Variants in SORCS1 observed in about 807,000 individuals in gnomAD.
The protein encoded by SORCS1 is sortilin related VPS10 domain containing receptor 1, also known as VPS10 domain-containing receptor SorCS1.
SORCS1 carries 60 observed loss-of-function variants against 146.1 expected under a neutral mutation model. That is an observed-to-expected ratio of 0.41 (90% CI 0.33 to 0.51). The LOEUF is 0.51. Among genes scored for constraint, SORCS1 ranks in the 20% least tolerant of loss-of-function variants. The pLI is 0.21. For synonymous variants in SORCS1, 637 were observed against 584.0 expected (o/e 1.09, Z -1.31); for missense variants, 1,352 against 1,487.6 (o/e 0.91, Z 1.50).
chr10:106,723,410 C>CACAG (rs887484378), intron 6 of SORCS1, among the ~76,000 whole-genome samples: 19 of 151,930 alleles, frequency 1.3e-4, no homozygotes, highest in Admixed American at 1.2e-3. Context: ...CACACACACA[C>CACAG]ACACACACAG....
chr10:106,917,434 A>G (rs1564808206), intron 2 of SORCS1, among the ~76,000 whole-genome samples: 1 of 152,164 alleles, frequency 6.6e-6, no homozygotes, highest in Non-Finnish European at 1.5e-5. Flanking sequence ...TCAAGGCTCT[A>G]TATCTCTTGA....
At chr10:106,677,444 C>A (rs1416822983) in intron 12 of SORCS1, 40 bp from the exon 13 acceptor site, 2 of 1,531,728 alleles carry the variant, frequency 1.3e-6, no homozygotes, top group Admixed American at 3.4e-5. Context: ...ACATCCACAT[C>A]CACACATACC....
At chr10:107,006,592 C>T (rs951730199) in intron 1 of SORCS1, among the ~76,000 whole-genome samples, 52 of 152,170 alleles carry the variant, frequency 3.4e-4, no homozygotes, top group African/African-American at 1.3e-3. Flanking sequence ...CCGAGGCGGG[C>T]AGATCACGAG....
chr10:106,759,765 G>A (rs188360679), intron 5 of SORCS1, among the ~76,000 whole-genome samples: 37 of 151,938 alleles, frequency 2.4e-4, no homozygotes, highest in Admixed American at 7.2e-4. Flanking sequence ...CTCTCTTCAC[G>A]TATTTCTCTT....
chr10:106,991,677 T>C (rs1956777909), intron 1 of SORCS1, among the ~76,000 whole-genome samples: 1 of 152,126 alleles, frequency 6.6e-6, no homozygotes. Flanking sequence ...TTATTACTCC[T>C]GGAGCAGAGC....
intron 6 of SORCS1, among the ~76,000 whole-genome samples, chr10:106,722,306 C>G (rs536831113): frequency 6.6e-6 from 1 of 152,152 alleles, no homozygotes; most frequent in East Asian, 1.9e-4. Context: ...ATCTCTATTA[C>G]CTCCCCAAAG....
intron 24 of SORCS1, 115 bp from the exon 25 acceptor site, chr10:106,579,589 G>A: frequency 9.7e-7 from 1 of 1,026,394 alleles, no homozygotes; most frequent in Admixed American, 2.1e-5. Context: ...AACCATGTGG[G>A]ATATACACAC....
chr10:107,072,970 G>A (rs2134191721), intron 1 of SORCS1, among the ~76,000 whole-genome samples: 1 of 152,240 alleles, frequency 6.6e-6, no homozygotes, highest in Non-Finnish European at 1.5e-5. Context: ...GTGCCCTAAC[G>A]CTGCAGGGTT....
chr10:106,685,227 C>T (rs1035404908), intron 10 of SORCS1, among the ~76,000 whole-genome samples: 1 of 152,134 alleles, frequency 6.6e-6, no homozygotes, highest in African/African-American at 2.4e-5. Flanking sequence ...ACTGTCACAA[C>T]ACCTTTCGAT....
At chr10:106,953,788 A>G (rs1419202449) in intron 2 of SORCS1, among the ~76,000 whole-genome samples, 1 of 152,210 alleles carries the variant, frequency 6.6e-6, no homozygotes, top group Admixed American at 6.5e-5. Context: ...AAAGAGATAC[A>G]GGAAAAATAC....
chr10:106,718,424 C>T (rs186464017), intron 6 of SORCS1, among the ~76,000 whole-genome samples: 23 of 152,258 alleles, frequency 1.5e-4, no homozygotes, highest in African/African-American at 2.6e-4. Context: ...ATGGTGTGCC[C>T]GGAGTTTATT....
chr10:106,631,880 ATC>A (rs1848464176), intron 18 of SORCS1, among the ~76,000 whole-genome samples: 2 of 151,968 alleles, frequency 1.3e-5, no homozygotes, highest in East Asian at 3.9e-4. Context: ...TCCAATTTCT[ATC>A]TCTCTTGATG....
intron 2 of SORCS1, among the ~76,000 whole-genome samples, chr10:106,830,536 C>T (rs933175606): frequency 2.6e-5 from 4 of 151,186 alleles, no homozygotes; most frequent in East Asian, 1.9e-4. Flanking sequence ...TTCGCCTAGG[C>T]CCCATGTTGC....
intron 1 of SORCS1, among the ~76,000 whole-genome samples, chr10:106,991,274 G>C (rs2139483480): frequency 6.6e-6 from 1 of 152,310 alleles, no homozygotes; most frequent in South Asian, 2.1e-4. Context: ...ATGTTTTCTG[G>C]TTGCAGAAGT....
chr10:107,050,089 A>C (rs1466621825), intron 1 of SORCS1, among the ~76,000 whole-genome samples: 1 of 152,210 alleles, frequency 6.6e-6, no homozygotes, highest in Non-Finnish European at 1.5e-5. Flanking sequence ...AAAAGGTCTA[A>C]TCAGCCAAAA....
chr10:106,820,123 G>A (rs1203463642), intron 3 of SORCS1, among the ~76,000 whole-genome samples: 1 of 151,930 alleles, frequency 6.6e-6, no homozygotes, highest in Non-Finnish European at 1.5e-5. Flanking sequence ...CATCCACATT[G>A]TCATTTTCTC....
chr10:106,814,163 G>A (rs183300629), intron 3 of SORCS1, among the ~76,000 whole-genome samples: 3 of 152,266 alleles, frequency 2.0e-5, no homozygotes, highest in Non-Finnish European at 4.4e-5. Flanking sequence ...AAAGCATCAA[G>A]CTTATCCTGT....
intron 2 of SORCS1, among the ~76,000 whole-genome samples, chr10:106,885,091 A>G (rs1325839579): frequency 1.3e-5 from 2 of 152,204 alleles, no homozygotes; most frequent in Non-Finnish European, 2.9e-5. Context: ...TAGAAAATCT[A>G]TGTTGTTTAG....
upstream of SORCS1, among the ~76,000 whole-genome samples, chr10:107,165,232 G>T (rs1366684933): frequency 1.3e-5 from 2 of 151,710 alleles, no homozygotes; most frequent in African/African-American, 2.4e-5. The surrounding 1 kb of genome is among the most constrained non-coding windows in gnomAD (Gnocchi z 4.0). Context: ...GTCCCAGCCT[G>T]GGGGGAGATC....
Sources: gnomAD v4.1 joint callset for allele counts (sites outside exome capture counted in the v4.1 genomes callset) on GRCh38, gnomAD v4.1.1 for gene constraint, Gnocchi (gnomAD v3.1) non-coding constraint, MANE v1.5 for transcripts, NCBI Gene and HGNC (gene_info 2026-07-23, HGNC 2026-07-21) for gene names.